SLCO5A1: variants seen among roughly 807,000 people sequenced by gnomAD.
The protein encoded by SLCO5A1 is solute carrier organic anion transporter family member 5A1.
A neutral mutation model predicts 65.1 loss-of-function variants in SLCO5A1; 39 were observed. That is an observed-to-expected ratio of 0.60 (90% CI 0.46 to 0.78). The LOEUF (loss-of-function observed/expected upper bound fraction) is 0.78. SLCO5A1 is among the 30% of genes least tolerant of loss of function. The pLI is 0.00. For synonymous variants in SLCO5A1, 438 were observed against 415.7 expected (o/e 1.05, Z -0.65); for missense variants, 1,029 against 1,069.4 (o/e 0.96, Z 0.53).
At chr8:69,822,853 T>A (rs1319520767) in intron 2 of SLCO5A1, among the ~76,000 whole-genome samples, 1 of 152,232 alleles carries the variant, frequency 6.6e-6, no homozygotes, top group Non-Finnish European at 1.5e-5. Flanking sequence ...CTGCCTCTTT[T>A]CCGGTGCTCT....
chr8:69,690,667 C>T (rs17722952), intron 6 of SLCO5A1, among the ~76,000 whole-genome samples: 17,280 of 152,158 alleles, frequency 0.11, 1,250 homozygotes, highest in Non-Finnish European at 0.17. Context: ...AGTCTGAATA[C>T]GATGGGGCAA....
intron 2 of SLCO5A1, among the ~76,000 whole-genome samples, chr8:69,774,988 G>C (rs1458931550): frequency 6.6e-6 from 1 of 152,126 alleles, no homozygotes; most frequent in Non-Finnish European, 1.5e-5. Context: ...GCAGATAAGA[G>C]GCCTTTGATC....
At chr8:69,689,465 G>C (rs1804522146) in intron 6 of SLCO5A1, among the ~76,000 whole-genome samples, 1 of 132,996 alleles carries the variant, frequency 7.5e-6, no homozygotes, top group Admixed American at 7.3e-5. Flanking sequence ...GGTTTTTATG[G>C]TTTTAGGTCT....
chr8:69,829,964 C>T (rs148190947), intron 2 of SLCO5A1, among the ~76,000 whole-genome samples: 2 of 152,198 alleles, frequency 1.3e-5, no homozygotes, highest in African/African-American at 2.4e-5. Context: ...GGGTCTGTGT[C>T]GTGGGTATAC....
chr8:69,767,902 A>C (rs1210635026), intron 2 of SLCO5A1, among the ~76,000 whole-genome samples: 1 of 139,386 alleles, frequency 7.2e-6, no homozygotes, highest in South Asian at 2.3e-4. Context: ...AAAAAAAAAA[A>C]AAAAAAAAAC....
rs752221280 is a variant in SLCO5A1, at chr8:69,676,669, C to T, written c.2029G>A (p.Val677Ile). The T allele has an allele frequency of 1.1e-5, 17 of 1,610,722 alleles. No individual in the cohort carries two copies. Among genetic ancestry groups the T allele is most frequent in the Admixed American group, 1.7e-5 (1 of 59,456 alleles). ...GCAAAAGGTCTCTCCTCATCTTCTACGGACCTACAGTGAAGGGAAAGAAGG... is the reference window on the plus strand; with the variant it reads ...GCAAAAGGTCTCTCCTCATCTTCTATGGACCTACAGTGAAGGGAAAGAAGG... ...PSAIIVTLRSVEDEERPFALG... is the reference protein window; with the variant it reads ...PSAIIVTLRSIEDEERPFALG... Residue 677 changes from valine to isoleucine, a missense_variant, in exon 9 of 10, where the codon GTA (valine) becomes ATA (isoleucine). Coordinates refer to ENST00000260126, the MANE Select transcript of SLCO5A1 (RefSeq NM_030958.3).
intron 2 of SLCO5A1, among the ~76,000 whole-genome samples, chr8:69,830,452 C>T (rs191482374): frequency 6.6e-6 from 1 of 152,264 alleles, no homozygotes; most frequent in Admixed American, 6.5e-5. Flanking sequence ...CTCAGCCTCC[C>T]GAGTAGCTGG....
Position 69,667,139 on chromosome 8 carries a change from A to G in SLCO5A1, c.*5730T>C, listed in dbSNP as rs1266892616. On this transcript the variant is annotated 3_prime_UTR_variant, in exon 10 of 10. Coordinates refer to ENST00000260126, the MANE Select transcript of SLCO5A1 (RefSeq NM_030958.3). ...GCTGTAAACCAAGATTAGTACATCGACAACAGATTTCATTAAACACACGGA... is the reference window on the plus strand; with the variant it reads ...GCTGTAAACCAAGATTAGTACATCGGCAACAGATTTCATTAAACACACGGA... 1 of 152,228 alleles carries G rather than the reference A, an allele frequency of 6.6e-6. No individual in the cohort carries two copies. The highest frequency in any genetic ancestry group is 1.5e-5 in the Non-Finnish European group (1 of 68,038). 9.4% of individuals were successfully genotyped at this position (152,228 alleles called of 1,614,324 possible).
At chr8:69,768,270 A>C (rs1818165458) in intron 2 of SLCO5A1, among the ~76,000 whole-genome samples, 1 of 152,144 alleles carries the variant, frequency 6.6e-6, no homozygotes, top group Non-Finnish European at 1.5e-5. Context: ...TTTTTTATAG[A>C]TTGATTACAT....
chr8:69,774,837 G>T (rs947316170), intron 2 of SLCO5A1, among the ~76,000 whole-genome samples: 1 of 152,094 alleles, frequency 6.6e-6, no homozygotes, highest in Non-Finnish European at 1.5e-5. Context: ...AACAATCCAC[G>T]TCGCCATGAT....
rs1004250452 is a variant in SLCO5A1, at chr8:69,668,103, T to C, written c.*4766A>G. On this transcript the variant is annotated 3_prime_UTR_variant, in exon 10 of 10. Transcript: ENST00000260126. ...GGAGGGTTTTTTGTTTTCTGTTTTT[T>C]GTTGTTGTTGTTGTATTTGACCCTT... 3.9e-5 allele frequency: 6 copies of C among 152,162 alleles called. No homozygotes were observed. Among genetic ancestry groups the C allele is most frequent in the African/African-American group, 1.4e-4 (6 of 41,442 alleles). The allele number at this position is 152,162 out of a possible 1,614,324, so 9.4% of individuals were successfully genotyped here.
At chr8:69,816,167 T>C (rs1820399750) in intron 2 of SLCO5A1, among the ~76,000 whole-genome samples, 1 of 152,178 alleles carries the variant, frequency 6.6e-6, no homozygotes, top group Non-Finnish European at 1.5e-5. Flanking sequence ...GGCAATGCTT[T>C]ATTGGATAAT....
chr8:69,777,702 A>G (rs937438609), intron 2 of SLCO5A1, among the ~76,000 whole-genome samples: 1 of 152,168 alleles, frequency 6.6e-6, no homozygotes, highest in African/African-American at 2.4e-5. Flanking sequence ...CTCTGTCCCC[A>G]CCGGGGATGT....
At chr8:69,817,456 AAATAT>A (rs1344777727) in intron 2 of SLCO5A1, among the ~76,000 whole-genome samples, 2 of 152,204 alleles carry the variant, frequency 1.3e-5, no homozygotes, top group African/African-American at 4.8e-5. Flanking sequence ...ACTGGAGTGT[AAATAT>A]TTCTTCAAGA....
intron 6 of SLCO5A1, among the ~76,000 whole-genome samples, chr8:69,684,962 A>T (rs982250986): frequency 6.6e-6 from 1 of 152,218 alleles, no homozygotes; most frequent in Non-Finnish European, 1.5e-5. Flanking sequence ...CTGTTCAAGG[A>T]GGCAAAAAGC....
chr8:69,784,882 A>G (rs529770772), intron 2 of SLCO5A1, among the ~76,000 whole-genome samples: 8 of 144,520 alleles, frequency 5.5e-5, no homozygotes, highest in African/African-American at 2.1e-4. Context: ...GGAGAAAGAA[A>G]GAAAGAAGAA....
At chr8:69,815,428 T>G (rs7818415) in intron 2 of SLCO5A1, among the ~76,000 whole-genome samples, 1 of 151,794 alleles carries the variant, frequency 6.6e-6, no homozygotes, top group East Asian at 1.9e-4. Context: ...TTTTTGTCCA[T>G]TTGTTTATTT....
intron 2 of SLCO5A1, among the ~76,000 whole-genome samples, chr8:69,798,721 C>CA (rs1819608214): frequency 6.6e-6 from 1 of 152,104 alleles, no homozygotes; most frequent in African/African-American, 2.4e-5. Flanking sequence ...AGCACCAGTC[C>CA]AAAAAATTAT....
At chr8:69,704,326 G>A (rs185388452) in intron 6 of SLCO5A1, among the ~76,000 whole-genome samples, 1 of 152,308 alleles carries the variant, frequency 6.6e-6, no homozygotes, top group Admixed American at 6.5e-5. Flanking sequence ...AGGTTATTGA[G>A]AGGATTCATG....
Sources: allele counts gnomAD v4.1 joint callset (sites outside exome capture counted in the v4.1 genomes callset), GRCh38; gene constraint gnomAD v4.1.1; transcripts MANE v1.5; gene names NCBI Gene and HGNC (gene_info 2026-07-23, HGNC 2026-07-21).